PCSK5: variants seen among roughly 807,000 people sequenced by gnomAD.
PCSK5 encodes the protein prohormone convertase 5.
PCSK5 carries 129 observed loss-of-function variants against 233.2 expected under a neutral mutation model. The ratio of observed to expected loss-of-function variants is 0.55; its 90% CI spans 0.48 to 0.64. The LOEUF (loss-of-function observed/expected upper bound fraction) is 0.64, where lower values mean the gene tolerates loss of function less well. Ranked by LOEUF, PCSK5 falls within the 30% of genes least tolerant of loss-of-function variation. The pLI is 0.00. For missense variants in PCSK5, 2,076 were observed against 2,430.1 expected, an observed-to-expected ratio of 0.85 and a Z score of 3.06; for synonymous variants, 825 against 879.2, an observed-to-expected ratio of 0.94 and a Z score of 1.09.
At chr9:76,290,542 A>G (rs1381258054) in intron 24 of PCSK5, among the ~76,000 whole-genome samples, 1 of 152,168 alleles carries the variant, frequency 6.6e-6, no homozygotes, top group African/African-American at 2.4e-5. Flanking sequence ...AACTCTTCCA[A>G]TTAAACCTCT....
intron 2 of PCSK5, among the ~76,000 whole-genome samples, chr9:75,965,119 A>G (rs1048212478): frequency 1.3e-5 from 2 of 152,214 alleles, no homozygotes; most frequent in African/African-American, 2.4e-5. Context: ...AAGGCAAAGC[A>G]TCTGTGGGAG....
chr9:76,283,794 G>A (rs1827960505), intron 24 of PCSK5, among the ~76,000 whole-genome samples: 1 of 152,156 alleles, frequency 6.6e-6, no homozygotes, highest in Non-Finnish European at 1.5e-5. Context: ...TTGAAAAAAT[G>A]GAATCTAATC....
At chr9:76,201,135 G>T (rs1392010154) in intron 20 of PCSK5, among the ~76,000 whole-genome samples, 1 of 152,134 alleles carries the variant, frequency 6.6e-6, no homozygotes, top group African/African-American at 2.4e-5. Flanking sequence ...ATTTGGCAAG[G>T]CCTGTTTGCA....
intron 2 of PCSK5, among the ~76,000 whole-genome samples, chr9:75,972,236 A>G (rs1344699509): frequency 6.6e-6 from 1 of 152,164 alleles, no homozygotes; most frequent in Non-Finnish European, 1.5e-5. Flanking sequence ...CCATTGTTCT[A>G]CATGTCTGTT....
intron 20 of PCSK5, among the ~76,000 whole-genome samples, chr9:76,200,186 G>A (rs1235605045): frequency 2.0e-5 from 3 of 152,134 alleles, no homozygotes; most frequent in Non-Finnish European, 4.4e-5. Flanking sequence ...TCTGTTTACT[G>A]AGCATAAAAT....
At chr9:76,331,658 C>T (rs1348690557) in intron 33 of PCSK5, among the ~76,000 whole-genome samples, 2 of 135,736 alleles carry the variant, frequency 1.5e-5, no homozygotes, top group Non-Finnish European at 3.2e-5. Flanking sequence ...CAGAGTGAGA[C>T]TCCATCTCAA....
In PCSK5 at chr9:75,891,066, G is replaced by GAGCTGCGGCGGCCCGGGGCTGCA; in HGVS notation, c.-94_-93insAAGCTGCGGCGGCCCGGGGCTGC. 1.0e-6 allele frequency: 1 copy of GAGCTGCGGCGGCCCGGGGCTGCA among 975,740 alleles called. No homozygotes were observed. The highest frequency in any genetic ancestry group is 1.4e-6 in the Non-Finnish European group (1 of 726,774). The allele number at this position is 975,740 out of a possible 1,614,324, so 60.4% of individuals were successfully genotyped here. ...CCTCCTGCCGATCGCCCGGGGCTGC[G>GAGCTGCGGCGGCCCGGGGCTGCA]AGCTGCGGCGGCCCGGGGCTGCTCG... On this transcript the variant is annotated 5_prime_UTR_variant, in exon 1 of 38. Coordinates refer to ENST00000674117, the MANE Select transcript of PCSK5 (RefSeq NM_001372043.1).
intron 5 of PCSK5, among the ~76,000 whole-genome samples, chr9:76,067,613 A>G (rs1830330449): frequency 6.6e-6 from 1 of 152,228 alleles, no homozygotes. Context: ...TGCAGTAGTC[A>G]CATTTCAAGT....
At chr9:76,355,975 A>T (rs1564199859) in intron 37 of PCSK5, among the ~76,000 whole-genome samples, 1 of 152,156 alleles carries the variant, frequency 6.6e-6, no homozygotes, top group Non-Finnish European at 1.5e-5. Context: ...AAGTGCTGAG[A>T]TTATAGGCGT....
chr9:75,932,277 TTG>T (rs1823842770), intron 1 of PCSK5, 100 bp from the exon 2 acceptor site: 1 of 706,136 alleles, frequency 1.4e-6, no homozygotes, highest in African/African-American at 1.8e-5. Flanking sequence ...TGGACCTTTT[TTG>T]TTTTGTGTTC....
intron 20 of PCSK5, among the ~76,000 whole-genome samples, chr9:76,200,156 A>G (rs990930930): frequency 6.6e-6 from 1 of 152,196 alleles, no homozygotes; most frequent in Non-Finnish European, 1.5e-5. Flanking sequence ...GCCATTACAA[A>G]TGGAAAATCA....
intron 10 of PCSK5, among the ~76,000 whole-genome samples, chr9:76,155,316 T>A (rs1333658671): frequency 6.6e-6 from 1 of 152,242 alleles, no homozygotes; most frequent in Admixed American, 6.5e-5. Flanking sequence ...TCTGGTTTGC[T>A]AAGAATTATG....
At chr9:76,068,178 C>A in intron 6 of PCSK5, 135 bp downstream of exon 6, 1 of 603,236 alleles carries the variant, frequency 1.7e-6, no homozygotes, top group Non-Finnish European at 3.0e-6. Context: ...CTATTGCTGG[C>A]CCCAACATGA....
chr9:75,952,108 T>C (rs1824887693), intron 2 of PCSK5, among the ~76,000 whole-genome samples: 1 of 152,212 alleles, frequency 6.6e-6, no homozygotes, highest in Non-Finnish European at 1.5e-5. Context: ...TCTTTATCCA[T>C]TCATTAATCC....
At chr9:75,983,328 G>T (rs189056571) in intron 2 of PCSK5, among the ~76,000 whole-genome samples, 2 of 152,166 alleles carry the variant, frequency 1.3e-5, no homozygotes, top group Admixed American at 1.3e-4. Context: ...CATGTGTAGT[G>T]TCAGAAAGCT....
intron 2 of PCSK5, among the ~76,000 whole-genome samples, chr9:75,934,043 G>A (rs1394540514): frequency 6.6e-6 from 1 of 152,084 alleles, no homozygotes; most frequent in Non-Finnish European, 1.5e-5. Flanking sequence ...TTGTTATCTT[G>A]GGGCATCTTG....
intron 7 of PCSK5, among the ~76,000 whole-genome samples, chr9:76,077,066 G>A (rs1425180740): frequency 6.6e-6 from 1 of 152,140 alleles, no homozygotes; most frequent in Admixed American, 6.5e-5. Context: ...CAGAAATTCA[G>A]CCTAGCCAAA....
chr9:75,901,851 A>G (rs1047845484), intron 1 of PCSK5, among the ~76,000 whole-genome samples: 1 of 152,120 alleles, frequency 6.6e-6, no homozygotes, highest in Non-Finnish European at 1.5e-5. Context: ...AGTGAGTGAA[A>G]AAAGAAAAAA....
At chr9:76,036,280 G>T (rs1387704104) in intron 5 of PCSK5, among the ~76,000 whole-genome samples, 1 of 152,174 alleles carries the variant, frequency 6.6e-6, no homozygotes, top group Non-Finnish European at 1.5e-5. Flanking sequence ...TGATAGGTAT[G>T]CATTTTAACT....
Sources: gnomAD v4.1 joint callset for allele counts (sites outside exome capture counted in the v4.1 genomes callset) on GRCh38, gnomAD v4.1.1 for gene constraint, MANE v1.5 for transcripts, NCBI Gene and HGNC (gene_info 2026-07-23, HGNC 2026-07-21) for gene names.